PRKN: variants seen among roughly 807,000 people sequenced by gnomAD.
PRKN encodes parkin RBR E3 ubiquitin protein ligase, also known as E3 ubiquitin-protein ligase parkin.
Under a neutral mutation model 59.5 loss-of-function variants are expected in PRKN, and 56 were observed. That is an observed-to-expected ratio of 0.94 (90% CI 0.76 to 1.18). The LOEUF is 1.18. Ranked by LOEUF, PRKN falls within the 50% of genes most tolerant of loss-of-function variation. PRKN has a pLI of 0.00. For missense variants in PRKN, 657 were observed against 596.4 expected, an observed-to-expected ratio of 1.10 and a Z score of -1.06; for synonymous variants, 250 against 222.1, an observed-to-expected ratio of 1.13 and a Z score of -1.12.
At chr6:162,185,116 G>C (rs1244310578) in intron 4 of PRKN, among the ~76,000 whole-genome samples, 1 of 152,070 alleles carries the variant, frequency 6.6e-6, no homozygotes, top group Non-Finnish European at 1.5e-5. Context: ...TCCTAGATTT[G>C]TGATATTATT....
At chr6:162,187,828 A>G (rs1035446810) in intron 4 of PRKN, among the ~76,000 whole-genome samples, 1 of 152,136 alleles carries the variant, frequency 6.6e-6, no homozygotes, top group African/African-American at 2.4e-5. Flanking sequence ...AAAAGGAACC[A>G]CCACCAGATA....
chr6:161,799,328 C>G (rs1790984192), intron 6 of PRKN, among the ~76,000 whole-genome samples: 1 of 152,160 alleles, frequency 6.6e-6, no homozygotes, highest in Admixed American at 6.5e-5. Context: ...GAATGACTAT[C>G]AAGGAACAGG....
At chr6:161,374,284 ATG>A (rs998646661) in intron 10 of PRKN, among the ~76,000 whole-genome samples, 2 of 147,474 alleles carry the variant, frequency 1.4e-5, no homozygotes, top group East Asian at 2.1e-4. Flanking sequence ...GTGTGTATGT[ATG>A]TGTGTGTGGT....
chr6:161,782,053 C>T (rs1375346691), intron 7 of PRKN, among the ~76,000 whole-genome samples: 2 of 152,112 alleles, frequency 1.3e-5, no homozygotes, highest in African/African-American at 4.8e-5. Context: ...GCAGTAACCC[C>T]TCTTCTAGGG....
chr6:161,882,410 G>T (rs922136393), intron 6 of PRKN, among the ~76,000 whole-genome samples: 1 of 152,234 alleles, frequency 6.6e-6, no homozygotes, highest in African/African-American at 2.4e-5. Flanking sequence ...GCTGCGGCAG[G>T]CAGTGAGCCG....
At chr6:162,026,340 A>C (rs977590701) in intron 5 of PRKN, among the ~76,000 whole-genome samples, 1 of 152,182 alleles carries the variant, frequency 6.6e-6, no homozygotes, top group Non-Finnish European at 1.5e-5. Context: ...ATAATCTCTC[A>C]TTGTAAATAG....
At position 161,552,548 on chromosome 6, in the gene PRKN, C is replaced by T. The variant is rs1474251680; in HGVS notation, c.934-3545G>A. ...CGAACTGCTCAACCTACTTTTTTGT[C>T]TTGACCTGTCCAAATCCTTCCACAT... is the stretch of plus-strand genomic sequence containing the variant. On this transcript the variant is annotated intron_variant, in intron 8 of 11. Transcript: ENST00000366898. This position sits in a 1 kb window ranked among gnomAD's most constrained non-coding sequence, Gnocchi z 4.9. Among the ~76,000 whole-genome samples the T allele has an allele frequency of 6.6e-6, 1 of 151,946 alleles. No homozygotes were observed. Among genetic ancestry groups the T allele is most frequent in the African/African-American group, 2.4e-5 (1 of 41,388 alleles).
chr6:162,215,363 T>C (rs897991597), intron 3 of PRKN, among the ~76,000 whole-genome samples: 4 of 152,146 alleles, frequency 2.6e-5, no homozygotes, highest in African/African-American at 9.7e-5. Context: ...AAAGATAAAA[T>C]CACAATCAAC....
intron 9 of PRKN, among the ~76,000 whole-genome samples, chr6:161,443,060 C>T (rs776472862): frequency 2.6e-5 from 4 of 152,036 alleles, no homozygotes; most frequent in South Asian, 4.1e-4. Context: ...GTAATACCAG[C>T]ACTTTGGGAG....
chr6:161,403,596 C>T (rs189675209), intron 9 of PRKN, among the ~76,000 whole-genome samples: 2 of 152,208 alleles, frequency 1.3e-5, no homozygotes, highest in African/African-American at 2.4e-5. Flanking sequence ...TCTGCCCCAT[C>T]TCTGTGAGAA....
chr6:162,727,582 G>A (rs1779338149), intron 1 of PRKN, 80 bp downstream of exon 1: 3 of 1,447,726 alleles, frequency 2.1e-6, no homozygotes, highest in East Asian at 2.5e-5. Flanking sequence ...CGGGGGTCCT[G>A]GTCGGCCGAG....
chr6:162,572,199 G>A (rs1334949839), intron 1 of PRKN, among the ~76,000 whole-genome samples: 1 of 152,122 alleles, frequency 6.6e-6, no homozygotes, highest in Admixed American at 6.5e-5. Context: ...AGTCTGTCAT[G>A]CTGAATGAGT....
In PRKN at chr6:161,419,051, G is replaced by A. The variant is rs148806158; in HGVS notation, c.1084-32174C>T. Among the ~76,000 whole-genome samples, 477 of 152,266 alleles carry A rather than the reference G, an allele frequency of 3.1e-3. 5 individuals carry two copies. Among genetic ancestry groups the A allele is most frequent in the South Asian group, 0.024 (117 of 4,826 alleles). On this transcript the variant is annotated intron_variant, in intron 9 of 11. Transcript: ENST00000366898. The surrounding 1 kb of genome is among the most constrained non-coding windows in gnomAD (Gnocchi z 4.1). The stretch of plus-strand genomic sequence containing the variant: ...AAAATACGTTGGATGTAAACACATC[G>A]TTTACATGAAGGACATGGAATTATA...
At chr6:161,833,841 C>G (rs535972070) in intron 6 of PRKN, among the ~76,000 whole-genome samples, 9 of 152,070 alleles carry the variant, frequency 5.9e-5, no homozygotes, top group Non-Finnish European at 8.8e-5. Context: ...CCTGAAGGAG[C>G]CTTTCGGTTT....
At chr6:161,358,700 G>A (rs1175513929) in intron 11 of PRKN, among the ~76,000 whole-genome samples, 2 of 151,422 alleles carry the variant, frequency 1.3e-5, no homozygotes, top group African/African-American at 2.4e-5. Context: ...GGGCCCTTCC[G>A]TGTTCTTTCC....
chr6:162,392,929 C>T (rs2128145572), intron 2 of PRKN, among the ~76,000 whole-genome samples: 1 of 152,042 alleles, frequency 6.6e-6, no homozygotes, highest in Admixed American at 6.6e-5. Context: ...GATCCGGGCT[C>T]ACTGCTAAGC....
At chr6:161,772,145 G>A (rs935126361) in intron 7 of PRKN, among the ~76,000 whole-genome samples, 3 of 152,210 alleles carry the variant, frequency 2.0e-5, no homozygotes, top group East Asian at 1.9e-4. Context: ...ATGAAGGAAC[G>A]GAATCTACAG....
At chr6:162,542,806 GGCACAGA>G (rs1393631753) in intron 1 of PRKN, among the ~76,000 whole-genome samples, 3 of 152,056 alleles carry the variant, frequency 2.0e-5, no homozygotes, top group Non-Finnish European at 2.9e-5. Context: ...CTCCACCCGG[GGCACAGA>G]GCACAGCACT....
chr6:161,491,257 G>T (rs935881175), intron 9 of PRKN, among the ~76,000 whole-genome samples: 2 of 152,136 alleles, frequency 1.3e-5, no homozygotes, highest in Admixed American at 1.3e-4. Flanking sequence ...GGGCTGATGG[G>T]CAGGGTGATG....
Sources: gnomAD v4.1 joint callset for allele counts (sites outside exome capture counted in the v4.1 genomes callset) on GRCh38, gnomAD v4.1.1 for gene constraint, Gnocchi (gnomAD v3.1) non-coding constraint, MANE v1.5 for transcripts, NCBI Gene and HGNC (gene_info 2026-07-23, HGNC 2026-07-21) for gene names.